Variants in RCL1 observed in about 807,000 individuals in gnomAD.
The protein encoded by RCL1 is RNA 3'-terminal phosphate cyclase-like protein.
Under a neutral mutation model 42.4 loss-of-function variants are expected in RCL1, and 24 were observed. That is an observed-to-expected ratio of 0.57 (90% CI 0.41 to 0.80). The LOEUF is 0.80. Among genes scored for constraint, RCL1 ranks in the 30% least tolerant of loss-of-function variants. RCL1 has a pLI of 0.00. For missense variants in RCL1, 578 were observed against 467.9 expected, an observed-to-expected ratio of 1.24 and a Z score of -2.17; for synonymous variants, 228 against 177.3, an observed-to-expected ratio of 1.29 and a Z score of -2.27.
chr9:4,812,484 A>C (rs1428081748), intron 1 of RCL1, among the ~76,000 whole-genome samples: 1 of 152,072 alleles, frequency 6.6e-6, no homozygotes, highest in Admixed American at 6.6e-5. Context: ...GGTTGGTCTT[A>C]ATCTCCTGGG....
chr9:4,842,223 G>C (rs1817356557), intron 6 of RCL1, among the ~76,000 whole-genome samples: 1 of 152,140 alleles, frequency 6.6e-6, no homozygotes, highest in Non-Finnish European at 1.5e-5. Flanking sequence ...AAGAATATTA[G>C]AGTCTGGGGT....
intron 1 of RCL1, among the ~76,000 whole-genome samples, chr9:4,821,157 C>T (rs1176209913): frequency 1.3e-5 from 2 of 152,110 alleles, no homozygotes; most frequent in East Asian, 3.9e-4. Flanking sequence ...TGTGTAGTAG[C>T]TTATGCCTGT....
rs1817316184 is a variant in RCL1, at chr9:4,841,320, A to G, written c.673A>G (p.Ile225Val). 1 of 1,613,270 alleles carries G rather than the reference A, an allele frequency of 6.2e-7. No individual in the cohort carries two copies. Among genetic ancestry groups the G allele is most frequent in the Non-Finnish European group, 8.5e-7 (1 of 1,179,228 alleles). The stretch of plus-strand genomic sequence containing the variant: ...CAACAAGTTCATACCTGATATCTAT[A>G]TTTACACAGATCACATGAAAGGAGT... ...ILNKFIPDIY[I>V]YTDHMKGVNS... Residue 225 changes from isoleucine (I) to valine (V), a missense_variant, in exon 6 of 9, where the codon ATT (isoleucine) becomes GTT (valine). By Grantham distance (29) the Ile-to-Val change is conservative. Transcript: ENST00000381750.
intron 1 of RCL1, among the ~76,000 whole-genome samples, chr9:4,818,079 C>G (rs922016335): frequency 8.6e-5 from 13 of 151,846 alleles, no homozygotes; most frequent in African/African-American, 2.4e-4. Context: ...TACCACCTTG[C>G]CCAGCTCATT....
At chr9:4,841,152 CA>C in intron 5 of RCL1, 79 bp from the exon 6 acceptor site, 1 of 1,541,914 alleles carries the variant, frequency 6.5e-7, no homozygotes. Context: ...TACAGTTCCA[CA>C]AATACTTGCC....
intron 1 of RCL1, among the ~76,000 whole-genome samples, chr9:4,796,883 A>G (rs1472528668): frequency 6.6e-6 from 1 of 152,230 alleles, no homozygotes; most frequent in Non-Finnish European, 1.5e-5. Context: ...TCCTCTGGGT[A>G]GATACCCAGT....
rs954668335 is a variant in RCL1, at chr9:4,799,122, C to T, written c.136+5895C>T. 2.5e-3 allele frequency among the ~76,000 whole-genome samples: 371 copies of T among 145,808 alleles called. 1 individual carries two copies. The highest frequency in any genetic ancestry group is 3.6e-3 in the Middle Eastern group (1 of 280). On this transcript the variant is annotated intron_variant, in intron 1 of 8. Transcript: ENST00000381750. ...CTCTCCTTCCTCTTTTTCTCCCTCCCTTCCTTCCTCTCTTTCTCTTTTCTT... is the reference window on the plus strand; with the variant it reads ...CTCTCCTTCCTCTTTTTCTCCCTCCTTTCCTTCCTCTCTTTCTCTTTTCTT...
At chr9:4,820,662 A>G (rs1816564741) in intron 1 of RCL1, among the ~76,000 whole-genome samples, 1 of 152,166 alleles carries the variant, frequency 6.6e-6, no homozygotes, top group African/African-American at 2.4e-5. Flanking sequence ...CCTCTATCCC[A>G]TTTAGACACT....
At chr9:4,805,160 C>T (rs1402406369) in intron 1 of RCL1, among the ~76,000 whole-genome samples, 2 of 152,168 alleles carry the variant, frequency 1.3e-5, no homozygotes, top group East Asian at 1.9e-4. Context: ...AGCCTCCAGC[C>T]TGGGCAATGT....
chr9:4,814,434 C>A (rs1271872203), intron 1 of RCL1, among the ~76,000 whole-genome samples: 1 of 151,964 alleles, frequency 6.6e-6, no homozygotes, highest in African/African-American at 2.4e-5. Context: ...CCATGCCCGG[C>A]TTTTGTATTT....
Position 4,817,468 on chromosome 9 carries a change from A to T in RCL1, c.137-6080A>T, listed in dbSNP as rs1404805940. On this transcript the variant is annotated intron_variant, in intron 1 of 8. Coordinates refer to ENST00000381750, the MANE Select transcript of RCL1 (RefSeq NM_005772.5). The stretch of plus-strand genomic sequence containing the variant: ...CAGTTAATTAGCTTGATTTTTTTTT[A>T]ATCTTTTTTTTTTTTTCTTTTTTGA... 1.9e-4 allele frequency among the ~76,000 whole-genome samples: 12 copies of T among 61,824 alleles called. No homozygotes were observed. In the Admixed American group the frequency reaches 1.9e-3, roughly 10 times the overall value. 40.6% of individuals were successfully genotyped at this position (61,824 alleles called of 152,430 possible). A position where few individuals can be genotyped will look rare whatever the true frequency, so the allele number is the denominator to read the frequency against.
At chr9:4,809,135 A>G (rs920247695) in intron 1 of RCL1, among the ~76,000 whole-genome samples, 22 of 151,954 alleles carry the variant, frequency 1.4e-4, no homozygotes, top group African/African-American at 5.1e-4. Flanking sequence ...AGACTGTTCC[A>G]TAATACAGAC....
intron 2 of RCL1, among the ~76,000 whole-genome samples, chr9:4,824,230 A>G (rs918822659): frequency 1.8e-4 from 27 of 152,222 alleles, no homozygotes; most frequent in African/African-American, 5.5e-4. Context: ...AAGTATATGC[A>G]AAAGATGTGA....
chr9:4,839,916 T>C, intron 5 of RCL1: 1 of 984,922 alleles, frequency 1.0e-6, no homozygotes, highest in Non-Finnish European at 1.2e-6. Flanking sequence ...AGGAGAGAGA[T>C]TGGGACCTCG....
At chr9:4,856,927 T>G (rs546020505) in intron 8 of RCL1, among the ~76,000 whole-genome samples, 1 of 152,186 alleles carries the variant, frequency 6.6e-6, no homozygotes, top group Non-Finnish European at 1.5e-5. Flanking sequence ...TTCCTTCCTT[T>G]AACTAGATCA....
chr9:4,810,389 A>C (rs1274567555), intron 1 of RCL1, among the ~76,000 whole-genome samples: 2 of 152,192 alleles, frequency 1.3e-5, no homozygotes, highest in African/African-American at 4.8e-5. Context: ...ACCATGGATT[A>C]GGTTTCTAAA....
intron 3 of RCL1, among the ~76,000 whole-genome samples, chr9:4,828,647 G>C (rs7849721): frequency 0.029 from 4,373 of 151,948 alleles, 193 homozygotes; most frequent in African/African-American, 0.097. Context: ...AGAGAGAAAG[G>C]TGCCTCAAAC....
chr9:4,814,139 G>C (rs1816285563), intron 1 of RCL1, among the ~76,000 whole-genome samples: 1 of 151,428 alleles, frequency 6.6e-6, no homozygotes. Flanking sequence ...AGAACTTAAA[G>C]TATAATTTAA....
At chr9:4,811,146 G>C (rs1816158903) in intron 1 of RCL1, among the ~76,000 whole-genome samples, 3 of 151,960 alleles carry the variant, frequency 2.0e-5, no homozygotes, top group Non-Finnish European at 4.4e-5. Flanking sequence ...GCCAGGTGTG[G>C]TGGTGCACAC....
Sources: allele counts gnomAD v4.1 joint callset (sites outside exome capture counted in the v4.1 genomes callset), GRCh38; gene constraint gnomAD v4.1.1; transcripts MANE v1.5; gene names NCBI Gene and HGNC (gene_info 2026-07-23, HGNC 2026-07-21).